Variants in SNTG1 observed in about 807,000 individuals in gnomAD.
The protein encoded by SNTG1 is gamma-1-syntrophin.
A neutral mutation model predicts 74.7 loss-of-function variants in SNTG1; 39 were observed. The observed-to-expected ratio is 0.52, with a 90% CI of 0.40 to 0.68. SNTG1 has a LOEUF of 0.68. SNTG1 is among the 30% of genes least tolerant of loss of function. The pLI is 0.00. For missense variants in SNTG1, 685 were observed against 609.5 expected, an observed-to-expected ratio of 1.12 and a Z score of -1.30; for synonymous variants, 254 against 217.1, an observed-to-expected ratio of 1.17 and a Z score of -1.49.
chr8:50,142,882 G>A (rs1015577973), intron 1 of SNTG1, among the ~76,000 whole-genome samples: 1 of 152,038 alleles, frequency 6.6e-6, no homozygotes, highest in African/African-American at 2.4e-5. Context: ...AACCAGCCTG[G>A]CCAACATAGT....
At position 50,525,842 on chromosome 8, in the gene SNTG1, C is replaced by A. The variant is rs111826977; in HGVS notation, c.467-4335C>A. Among the ~76,000 whole-genome samples the A allele has an allele frequency of 1.3e-3, 189 of 150,876 alleles. 2 individuals carry two copies. Among genetic ancestry groups the A allele is most frequent in the African/African-American group, 4.4e-3 (182 of 41,258 alleles). ...GTGTTTTTAAAGATAATTTACAGACCTGGTTTCCACTTGGTTTTCGGTGGT... is the reference window on the plus strand; with the variant it reads ...GTGTTTTTAAAGATAATTTACAGACATGGTTTCCACTTGGTTTTCGGTGGT... On this transcript the variant is annotated intron_variant, in intron 9 of 18. Transcript: ENST00000642720.
chr8:49,984,538 CAAAT>C (rs1321607241), intron 1 of SNTG1, among the ~76,000 whole-genome samples: 1 of 152,084 alleles, frequency 6.6e-6, no homozygotes, highest in African/African-American at 2.4e-5. Context: ...TTTCCAGTAT[CAAAT>C]GAATGACTTG....
At chr8:50,268,896 T>A (rs2087624063) in intron 2 of SNTG1, among the ~76,000 whole-genome samples, 2 of 152,156 alleles carry the variant, frequency 1.3e-5, no homozygotes, top group South Asian at 2.1e-4. Context: ...TGGCCTCAAG[T>A]GATATGTCTG....
At chr8:50,692,319 G>A (rs1454117714) in intron 15 of SNTG1, among the ~76,000 whole-genome samples, 2 of 152,132 alleles carry the variant, frequency 1.3e-5, no homozygotes, top group African/African-American at 4.8e-5. Context: ...GAGGAGGAGA[G>A]GCGCTCTGAT....
chr8:50,698,258 A>G (rs910366930), intron 15 of SNTG1, among the ~76,000 whole-genome samples: 1 of 152,188 alleles, frequency 6.6e-6, no homozygotes, highest in Admixed American at 6.5e-5. Flanking sequence ...GTGTGGACTC[A>G]GTACTGCTAC....
At chr8:50,751,147 A>C in intron 17 of SNTG1, among the ~76,000 whole-genome samples, 1 of 152,076 alleles carries the variant, frequency 6.6e-6, no homozygotes, top group Middle Eastern at 3.2e-3. Context: ...TCACATATTT[A>C]ATGAGATAAA....
At chr8:50,701,643 C>CCTCT (rs1554616038) in intron 15 of SNTG1, among the ~76,000 whole-genome samples, 16 of 96,368 alleles carry the variant, frequency 1.7e-4, no homozygotes, top group African/African-American at 9.7e-4. Flanking sequence ...CTTCTTCTTC[C>CCTCT]TCCTCTTTTT....
chr8:50,379,034 CA>C (rs909238982), intron 2 of SNTG1, among the ~76,000 whole-genome samples: 4 of 152,130 alleles, frequency 2.6e-5, no homozygotes, highest in African/African-American at 7.2e-5. Flanking sequence ...CTGCATTCTG[CA>C]GCTGTTCATG....
chr8:50,587,248 A>G (rs550986660), intron 12 of SNTG1, among the ~76,000 whole-genome samples: 1 of 152,062 alleles, frequency 6.6e-6, no homozygotes, highest in African/African-American at 2.4e-5. Context: ...ATGTATGCAT[A>G]TATATGTGTA....
chr8:50,490,542 T>C (rs1405783782), intron 8 of SNTG1, among the ~76,000 whole-genome samples: 2 of 152,222 alleles, frequency 1.3e-5, no homozygotes, highest in African/African-American at 4.8e-5. Flanking sequence ...TGAATGGGAA[T>C]TCACTCATGA....
intron 2 of SNTG1, among the ~76,000 whole-genome samples, chr8:50,280,851 CA>C (rs1157515421): frequency 2.6e-5 from 4 of 151,738 alleles, no homozygotes; most frequent in Admixed American, 6.6e-5. Flanking sequence ...CTAATCCATT[CA>C]GGATAAGAAA....
intron 18 of SNTG1, among the ~76,000 whole-genome samples, chr8:50,757,419 T>C (rs1040589820): frequency 6.6e-6 from 1 of 151,864 alleles, no homozygotes; most frequent in Non-Finnish European, 1.5e-5. Context: ...TTATTTACCG[T>C]TGCTTAATGT....
In SNTG1 at chr8:50,438,730, A is replaced by T. The variant is rs562112285; in HGVS notation, c.219+131A>T. The stretch of plus-strand genomic sequence containing the variant: ...CAAACTCCTTAATATTTGGACGGGG[A>T]TGTAAATTAGGTAGGTTCTCACAGA... On this transcript the variant is annotated intron_variant, in intron 5 of 18. Transcript: ENST00000642720. 5.0e-5 allele frequency: 33 copies of T among 663,158 alleles called. No individual in the cohort carries two copies. The East Asian group carries it at 8.4e-4, about 17-fold the overall frequency. The allele number at this position is 663,158 out of a possible 1,614,324, so 41.1% of individuals were successfully genotyped here.
At chr8:50,362,506 T>C (rs1374237924) in intron 2 of SNTG1, among the ~76,000 whole-genome samples, 1 of 151,794 alleles carries the variant, frequency 6.6e-6, no homozygotes, top group Non-Finnish European at 1.5e-5. Context: ...TGCTTCATTA[T>C]AAAGATAGTC....
At chr8:50,763,131 A>T (rs2095603747) in intron 18 of SNTG1, among the ~76,000 whole-genome samples, 3 of 151,890 alleles carry the variant, frequency 2.0e-5, no homozygotes, top group South Asian at 4.1e-4. Context: ...TGTTCCAACA[A>T]TCCGTGATTC....
chr8:50,741,015 A>C (rs2095542093), intron 17 of SNTG1, among the ~76,000 whole-genome samples: 1 of 152,020 alleles, frequency 6.6e-6, no homozygotes, highest in Non-Finnish European at 1.5e-5. Context: ...AGAAGGGAGA[A>C]GAGCAGGAAA....
chr8:49,929,562 G>A (rs1248779974), intron 1 of SNTG1, among the ~76,000 whole-genome samples: 1 of 152,150 alleles, frequency 6.6e-6, no homozygotes, highest in African/African-American at 2.4e-5. Flanking sequence ...AGGCCGGAAG[G>A]ACGCACCTGG....
intron 2 of SNTG1, among the ~76,000 whole-genome samples, chr8:50,205,881 T>C (rs1012495487): frequency 1.3e-5 from 2 of 152,142 alleles, no homozygotes; most frequent in African/African-American, 2.4e-5. Context: ...GAGTTGTAGA[T>C]GTGTGGTATT....
At chr8:50,213,330 TAAAAGCAAACCC>T (rs746525125) in intron 2 of SNTG1, among the ~76,000 whole-genome samples, 51 of 152,250 alleles carry the variant, frequency 3.3e-4, no homozygotes, top group South Asian at 1.0e-3. Flanking sequence ...TACTGAGTGA[TAAAAGCAAACCC>T]AAAAGGAATG....
Sources: gnomAD v4.1 joint callset for allele counts (sites outside exome capture counted in the v4.1 genomes callset) on GRCh38, gnomAD v4.1.1 for gene constraint, MANE v1.5 for transcripts, NCBI Gene and HGNC (gene_info 2026-07-23, HGNC 2026-07-21) for gene names.